MGAT4A: variants seen among roughly 807,000 people sequenced by gnomAD.
The protein encoded by MGAT4A is alpha-1,3-mannosyl-glycoprotein 4-beta-N-acetylglucosaminyltransferase A, also known as N-acetylglucosaminyltransferase IVa.
MGAT4A carries 33 observed loss-of-function variants against 74.1 expected under a neutral mutation model. That is an observed-to-expected ratio of 0.45 (90% CI 0.34 to 0.60). MGAT4A has a LOEUF of 0.60. Ranked by LOEUF, MGAT4A falls within the 20% of genes least tolerant of loss-of-function variation. The pLI is 0.02. For synonymous variants in MGAT4A, 198 were observed against 210.4 expected (o/e 0.94, Z 0.51); for missense variants, 479 against 628.3 (o/e 0.76, Z 2.54).
chr2:98,683,539 ATT>A (rs1702090620), intron 2 of MGAT4A, among the ~76,000 whole-genome samples: 1 of 150,890 alleles, frequency 6.6e-6, no homozygotes, highest in African/African-American at 2.5e-5. Context: ...GCAACTCTTC[ATT>A]TCATCATTTT....
At chr2:98,677,368 T>G (rs1043161074) in intron 3 of MGAT4A, among the ~76,000 whole-genome samples, 3 of 152,224 alleles carry the variant, frequency 2.0e-5, no homozygotes, top group African/African-American at 7.2e-5. Context: ...AAATTAAATT[T>G]TAATCTCATT....
chr2:98,725,677 A>G (rs1702751620), intron 2 of MGAT4A, among the ~76,000 whole-genome samples: 1 of 152,124 alleles, frequency 6.6e-6, no homozygotes, highest in Non-Finnish European at 1.5e-5. Context: ...ACGGTTCAAC[A>G]GTCTAAACAT....
rs1212937985 is a variant in MGAT4A at position 98,622,088 on chromosome 2, G to A, written c.*3478C>T. ...CATGAGACTAAGATAAAGAACTTAA[G>A]AAATCTTACATCTTAGAATCCTAGA... On this transcript the variant is annotated 3_prime_UTR_variant, in exon 16 of 16. Transcript: ENST00000393487. 4.6e-5 allele frequency: 45 copies of A among 985,322 alleles called. No individual in the cohort carries two copies. The highest frequency in any genetic ancestry group is 5.4e-5 in the Non-Finnish European group (45 of 829,946). 61.0% of individuals were successfully genotyped at this position (985,322 alleles called of 1,614,324 possible). A position where few individuals can be genotyped will look rare whatever the true frequency, so the allele number is the denominator to read the frequency against.
rs1022205312 is a variant in MGAT4A at position 98,620,708 on chromosome 2, C to T, written c.*4858G>A. ...CACAGATTATCTGATCTCTACAAGG[C>T]AAAGGTTATTTTTGCTCTTAATGTA... On this transcript the variant is annotated 3_prime_UTR_variant, in exon 16 of 16. Transcript: ENST00000393487. The T allele has an allele frequency of 5.3e-5, 8 of 152,198 alleles. No individual in the cohort carries two copies. Among genetic ancestry groups the T allele is most frequent in the African/African-American group, 1.9e-4 (8 of 41,438 alleles). 9.4% of individuals were successfully genotyped at this position (152,198 alleles called of 1,614,324 possible). A position where few individuals can be genotyped will look rare whatever the true frequency, so the allele number is the denominator to read the frequency against.
At position 98,635,250 on chromosome 2, in the gene MGAT4A, T is replaced by C. The variant is rs1348694742; in HGVS notation, c.1440A>G (p.Lys480=). ...GLEISKETKD[K]RLEDGYFRIG... is the part of the protein sequence containing the mutation. ...TTCTGAAATAGCCATCTTCTAATCG[T>C]TTGTCTTTGGTTTCTTTGCTTATTT... The change falls in exon 14 of 16, where the codon AAA becomes AAG. Residue 480 remains lysine, a synonymous_variant. Coordinates refer to ENST00000393487, the MANE Select transcript of MGAT4A (RefSeq NM_012214.3). The C allele has an allele frequency of 1.2e-6, 2 of 1,609,522 alleles. No homozygotes were observed. Among genetic ancestry groups the C allele is most frequent in the Non-Finnish European group, 1.7e-6 (2 of 1,177,654 alleles).
At chr2:98,711,239 C>T (rs1702514359) in intron 2 of MGAT4A, among the ~76,000 whole-genome samples, 1 of 138,780 alleles carries the variant, frequency 7.2e-6, no homozygotes, top group African/African-American at 2.7e-5. Flanking sequence ...CAAAAGGCCT[C>T]ATTAAACTAA....
intron 8 of MGAT4A, among the ~76,000 whole-genome samples, chr2:98,647,439 C>T (rs1266686497): frequency 6.6e-6 from 1 of 152,164 alleles, no homozygotes; most frequent in African/African-American, 2.4e-5. Context: ...CTCAGCCTCC[C>T]CAAGTAGCTG....
chr2:98,689,752 G>T (rs1702170781), intron 2 of MGAT4A, among the ~76,000 whole-genome samples: 1 of 152,180 alleles, frequency 6.6e-6, no homozygotes, highest in African/African-American at 2.4e-5. Context: ...GAGCATAGGA[G>T]GCAGAGGTTG....
intron 2 of MGAT4A, among the ~76,000 whole-genome samples, chr2:98,723,401 G>A (rs149940775): frequency 1.5e-3 from 234 of 152,276 alleles, no homozygotes; most frequent in Non-Finnish European, 2.2e-3. Flanking sequence ...TAGCAGTTAC[G>A]TCAGACTAGG....
rs906321160 is a variant in MGAT4A, at chr2:98,663,262, C to T, written c.404-83G>A. 3.9e-6 allele frequency: 6 copies of T among 1,527,740 alleles called. No homozygotes were observed. The African/African-American group carries it at 7.0e-5, about 18-fold the overall frequency. The allele number at this position is 1,527,740 out of a possible 1,614,324, so 94.6% of individuals were successfully genotyped here. A position where few individuals can be genotyped will look rare whatever the true frequency, so the allele number is the denominator to read the frequency against. ...ACTTCTATTTCAAAAGTATTATACC[C>T]TCTCAAATTGATAGGAATAACTGAT... On this transcript the variant is annotated intron_variant, in intron 4 of 15. Transcript: ENST00000393487.
At chr2:98,701,451 A>G (rs1702354793) in intron 2 of MGAT4A, among the ~76,000 whole-genome samples, 2 of 152,214 alleles carry the variant, frequency 1.3e-5, no homozygotes, top group African/African-American at 4.8e-5. Context: ...TAATAACCCA[A>G]TGTTCTCAGT....
rs140306131 is a variant in MGAT4A at position 98,627,565 on chromosome 2, G to A, written c.1469-1730C>T. Among the ~76,000 whole-genome samples the A allele has an allele frequency of 3.3e-3, 509 of 152,152 alleles. 8 individuals are homozygous for A. The highest frequency in any genetic ancestry group is 3.7e-3 in the East Asian group (19 of 5,176). On this transcript the variant is annotated intron_variant, in intron 14 of 15. Coordinates refer to ENST00000393487, the MANE Select transcript of MGAT4A (RefSeq NM_012214.3). ...TAATTTTTGTATCTTTATTAGAGAC[G>A]GGGTTTCACCATGCTGGCCAGGCTG...
intron 4 of MGAT4A, 114 bp downstream of exon 4, chr2:98,674,921 A>G: frequency 1.9e-6 from 2 of 1,065,498 alleles, no homozygotes; most frequent in Non-Finnish European, 2.7e-6. Context: ...ATGTGCACAG[A>G]TAAAGAAAGA....
At chr2:98,633,460 A>G (rs1050793579) in intron 14 of MGAT4A, among the ~76,000 whole-genome samples, 1 of 152,196 alleles carries the variant, frequency 6.6e-6, no homozygotes, top group Admixed American at 6.5e-5. Flanking sequence ...GACAATCTTC[A>G]CAGATTTAAA....
chr2:98,667,939 C>T (rs991255846), intron 4 of MGAT4A, among the ~76,000 whole-genome samples: 7 of 152,078 alleles, frequency 4.6e-5, no homozygotes, highest in Admixed American at 6.5e-5. Flanking sequence ...AGGCTGGTCT[C>T]GAACTCCTGA....
intron 8 of MGAT4A, among the ~76,000 whole-genome samples, chr2:98,648,803 G>GCAGGAT (rs1161109461): frequency 6.6e-6 from 1 of 151,620 alleles, no homozygotes; most frequent in East Asian, 1.9e-4. Context: ...GGCAGAGGCA[G>GCAGGAT]CAGGATCATT....
At chr2:98,701,963 A>T (rs1247675125) in intron 2 of MGAT4A, among the ~76,000 whole-genome samples, 1 of 152,164 alleles carries the variant, frequency 6.6e-6, no homozygotes, top group Admixed American at 6.6e-5. Context: ...TTCCCAGGGG[A>T]TGTCTAACTT....
chr2:98,644,085 T>C (rs770641672), intron 9 of MGAT4A, 32 bp from the exon 10 acceptor site: 21 of 1,525,606 alleles, frequency 1.4e-5, no homozygotes, highest in Middle Eastern at 1.8e-4. Flanking sequence ...ATAGCTGCAA[T>C]GAAGAAACCA....
intron 6 of MGAT4A, among the ~76,000 whole-genome samples, chr2:98,657,139 C>G (rs899489281): frequency 1.3e-5 from 2 of 152,160 alleles, no homozygotes; most frequent in Non-Finnish European, 2.9e-5. Context: ...GGTTAAGAAC[C>G]CTTTCTAAAG....
Sources: gnomAD v4.1 joint callset for allele counts (sites outside exome capture counted in the v4.1 genomes callset) on GRCh38, gnomAD v4.1.1 for gene constraint, MANE v1.5 for transcripts, NCBI Gene and HGNC (gene_info 2026-07-23, HGNC 2026-07-21) for gene names.